The following SYT1 variants were observed in gnomAD, a reference collection of about 807,000 sequenced individuals.
The protein encoded by SYT1 is synaptotagmin-1.
Under a neutral mutation model 44.8 loss-of-function variants are expected in SYT1, and 8 were observed. That is an observed-to-expected ratio of 0.18 (90% CI 0.10 to 0.32). SYT1 has a LOEUF of 0.32. SYT1 is among the 10% of genes least tolerant of loss of function. The pLI is 1.00. For synonymous variants in SYT1, 154 were observed against 188.8 expected, an observed-to-expected ratio of 0.82 and a Z score of 1.51; for missense variants, 286 against 509.3, an observed-to-expected ratio of 0.56 and a Z score of 4.22.
intron 1 of SYT1, among the ~76,000 whole-genome samples, chr12:78,919,073 A>G (rs1308695622): frequency 6.6e-6 from 1 of 152,020 alleles, no homozygotes; most frequent in Admixed American, 6.6e-5. Context: ...GAGATGACAG[A>G]GTTATTGATG....
chr12:79,332,228 A>G (rs1242043585), intron 8 of SYT1, among the ~76,000 whole-genome samples: 3 of 152,168 alleles, frequency 2.0e-5, no homozygotes, highest in Non-Finnish European at 2.9e-5. Flanking sequence ...CTTTCATTCA[A>G]ATTCACATCA....
At chr12:78,962,917 T>A (rs148432027) in intron 1 of SYT1, among the ~76,000 whole-genome samples, 53 of 152,268 alleles carry the variant, frequency 3.5e-4, no homozygotes, top group African/African-American at 1.2e-3. Flanking sequence ...TAGAATTAAT[T>A]CATCTTCATA....
At chr12:79,241,252 G>C (rs1364382004) in intron 4 of SYT1, among the ~76,000 whole-genome samples, 1 of 133,686 alleles carries the variant, frequency 7.5e-6, no homozygotes. Flanking sequence ...GGAATGATTT[G>C]CACTGGCAAC....
intron 3 of SYT1, among the ~76,000 whole-genome samples, chr12:79,199,412 C>T (rs1565851227): frequency 6.6e-6 from 1 of 152,112 alleles, no homozygotes; most frequent in Non-Finnish European, 1.5e-5. Flanking sequence ...TGCCTTCCCT[C>T]TCTCCACTGT....
At chr12:78,989,456 C>A (rs907363325) in intron 2 of SYT1, among the ~76,000 whole-genome samples, 1 of 152,108 alleles carries the variant, frequency 6.6e-6, no homozygotes, top group African/African-American at 2.4e-5. Context: ...GGGTCAGCCT[C>A]TCTGGGAGTC....
chr12:79,279,661 C>T (rs1022897097), intron 4 of SYT1, among the ~76,000 whole-genome samples: 1 of 152,010 alleles, frequency 6.6e-6, no homozygotes, highest in Non-Finnish European at 1.5e-5. Context: ...CCAGAACAAT[C>T]AGGCAAAATA....
chr12:79,139,348 A>G (rs1375220917), intron 3 of SYT1, among the ~76,000 whole-genome samples: 2 of 152,198 alleles, frequency 1.3e-5, no homozygotes, highest in Admixed American at 6.5e-5. Flanking sequence ...TTGAAAGGCT[A>G]TAGATGAGCA....
intron 1 of SYT1, among the ~76,000 whole-genome samples, chr12:78,883,304 T>G (rs1185409757): frequency 6.6e-6 from 1 of 151,700 alleles, no homozygotes; most frequent in African/African-American, 2.4e-5. Flanking sequence ...TGGCACATAC[T>G]AAGTAGTACT....
intron 3 of SYT1, among the ~76,000 whole-genome samples, chr12:79,137,006 T>C (rs1227391742): frequency 1.3e-5 from 2 of 152,216 alleles, no homozygotes; most frequent in African/African-American, 4.8e-5. Context: ...ACTATTCCTT[T>C]GCTTCCACAA....
At chr12:79,346,756 A>G (rs1390925783) in intron 8 of SYT1, among the ~76,000 whole-genome samples, 1 of 152,200 alleles carries the variant, frequency 6.6e-6, no homozygotes, top group East Asian at 1.9e-4. Context: ...CACTAACATC[A>G]GTGCTATTTA....
chr12:79,170,081 C>A (rs1871426783), intron 3 of SYT1, among the ~76,000 whole-genome samples: 2 of 152,068 alleles, frequency 1.3e-5, no homozygotes, highest in African/African-American at 4.8e-5. Flanking sequence ...ACCACATTTT[C>A]TTTAGCCAGT....
intron 4 of SYT1, among the ~76,000 whole-genome samples, chr12:79,243,555 C>T (rs537049838): frequency 2.5e-4 from 38 of 152,280 alleles, no homozygotes; most frequent in African/African-American, 8.4e-4. Flanking sequence ...AATCCCTTTT[C>T]CCTGCTTCGA....
intron 1 of SYT1, among the ~76,000 whole-genome samples, chr12:78,892,593 C>T (rs546118455): frequency 7.3e-5 from 11 of 151,678 alleles, no homozygotes; most frequent in Admixed American, 6.6e-4. Flanking sequence ...AAATAGAAGA[C>T]TTCAATCTTC....
At chr12:79,201,647 A>G (rs888857323) in intron 3 of SYT1, among the ~76,000 whole-genome samples, 4 of 152,146 alleles carry the variant, frequency 2.6e-5, no homozygotes, top group African/African-American at 9.7e-5. Flanking sequence ...TTTTCTTCCA[A>G]CGATGCATCA....
intron 8 of SYT1, among the ~76,000 whole-genome samples, chr12:79,304,353 T>C (rs937141141): frequency 5.3e-5 from 8 of 152,256 alleles, no homozygotes; most frequent in African/African-American, 1.9e-4. Flanking sequence ...TTCTGAAAGC[T>C]AATCAGCAAA....
At chr12:79,448,807 G>T (rs1870873813) in intron 10 of SYT1, 111 bp from the exon 11 acceptor site, 3 of 915,040 alleles carry the variant, frequency 3.3e-6, no homozygotes, top group Non-Finnish European at 5.2e-6. Flanking sequence ...TCATCCTAGT[G>T]CTTGGAGATT....
intron 3 of SYT1, among the ~76,000 whole-genome samples, chr12:79,125,929 C>G (rs1868409717): frequency 6.6e-6 from 1 of 152,066 alleles, no homozygotes; most frequent in African/African-American, 2.4e-5. Context: ...TTATTTTCTT[C>G]AGAGCACTTC....
chr12:79,307,645 G>A (rs1283986030), intron 8 of SYT1, among the ~76,000 whole-genome samples: 4 of 151,176 alleles, frequency 2.6e-5, no homozygotes, highest in Non-Finnish European at 5.9e-5. Flanking sequence ...CGTGGGGGGG[G>A]GCGGCAGGAG....
chr12:78,874,014 A>G (rs768582079), intron 1 of SYT1, among the ~76,000 whole-genome samples: 56 of 151,724 alleles, frequency 3.7e-4, no homozygotes, highest in Middle Eastern at 3.4e-3. Context: ...TATATGAAAC[A>G]TAGGATAGGT....
Sources: gnomAD v4.1 joint callset for allele counts (sites outside exome capture counted in the v4.1 genomes callset) on GRCh38, gnomAD v4.1.1 for gene constraint, MANE v1.5 for transcripts, NCBI Gene and HGNC (gene_info 2026-07-23, HGNC 2026-07-21) for gene names.